Variants in MYD88 observed in about 807,000 individuals in gnomAD.
The protein encoded by MYD88 is myeloid differentiation primary response protein MyD88.
Under a neutral mutation model 31.1 loss-of-function variants are expected in MYD88, and 15 were observed. The observed-to-expected ratio is 0.48, with a 90% CI of 0.32 to 0.74. The LOEUF (loss-of-function observed/expected upper bound fraction) is 0.74. MYD88 is among the 30% of genes least tolerant of loss of function. MYD88 has a pLI of 0.03. For missense variants in MYD88, 308 were observed against 387.4 expected, an observed-to-expected ratio of 0.79 and a Z score of 1.72; for synonymous variants, 157 against 158.8, an observed-to-expected ratio of 0.99 and a Z score of 0.08.
chr3:38,140,121 C>T lies in MYD88; in HGVS notation c.463+123C>T, dbSNP rs925580068. On this transcript the variant is annotated intron_variant, in intron 2 of 4. Transcript: ENST00000650905. The stretch of plus-strand genomic sequence containing the variant: ...CAAGTCACTTAATCTTTCTGAGCCT[C>T]AGTTTCCTCACCTAAGAAATGGAGA... 13 of 1,274,362 alleles carry T rather than the reference C, an allele frequency of 1.0e-5. No homozygotes were observed. In the Admixed American group the frequency reaches 2.6e-4, roughly 25 times the overall value. The allele number at this position is 1,274,362 out of a possible 1,614,324, so 78.9% of individuals were successfully genotyped here.
intron 2 of MYD88, 29 bp downstream of exon 2, chr3:38,140,027 C>T (rs1288904311): frequency 6.2e-7 from 1 of 1,611,440 alleles, no homozygotes; most frequent in South Asian, 1.1e-5. Context: ...TCCCATGGGA[C>T]AGGTGGAATA....
Position 38,138,869 on chromosome 3 carries a change from G to T in MYD88, c.169G>T (p.Glu57Ter). 6.2e-7 allele frequency: 1 copy of T among 1,613,812 alleles called. No individual in the cohort carries two copies. The highest frequency in any genetic ancestry group is 8.5e-7 in the Non-Finnish European group (1 of 1,180,022). The stretch of plus-strand genomic sequence containing the variant: ...CGCGCTGGCGGAGGAGATGGACTTT[G>T]AGTACTTGGAGATCCGGCAACTGGA... The part of the protein sequence containing the change: ...WTALAEEMDF[E>*]YLEIRQLETQ... Residue 57 changes from glutamate to a stop codon, truncating the protein, a stop_gained, in exon 1 of 5, where the codon GAG (glutamate) becomes TAG (stop). Coordinates refer to ENST00000650905, the MANE Select transcript of MYD88 (RefSeq NM_002468.5). LOFTEE classifies it high-confidence loss of function. This position sits in a 1 kb window ranked among gnomAD's most constrained non-coding sequence, Gnocchi z 6.4.
rs537114532 is a variant in MYD88 at position 38,140,564 on chromosome 3, A to G, written c.640A>G (p.Lys214Glu). 6.2e-7 allele frequency: 1 copy of G among 1,614,146 alleles called. No individual in the cohort carries two copies. The highest frequency in any genetic ancestry group is 1.1e-5 in the South Asian group (1 of 91,072). ...GTCTATTGCTAGTGAGCTCATCGAA[A>G]AGAGGTTGGCTAGAAGGCCACGGGG... ...VWSIASELIEKRCRRMVVVVS... is the reference protein window; with the variant it reads ...VWSIASELIEERCRRMVVVVS... Residue 214 changes from lysine (K) to glutamate (E), a missense_variant, in exon 3 of 5, where the codon AAG (lysine) becomes GAG (glutamate). Coordinates refer to ENST00000650905, the MANE Select transcript of MYD88 (RefSeq NM_002468.5).
At chr3:38,141,082 C>T (rs2125780091) in intron 4 of MYD88, 50 bp from the exon 5 acceptor site, 1 of 1,613,864 alleles carries the variant, frequency 6.2e-7, no homozygotes, top group South Asian at 1.1e-5. Flanking sequence ...TGGGCTTGTC[C>T]CACCATGGGG....
chr3:38,139,229 A>T lies in MYD88; in HGVS notation c.328+201A>T. The T allele has an allele frequency of 1.4e-6, 1 of 710,256 alleles. No homozygotes were observed. The highest frequency in any genetic ancestry group is 2.3e-6 in the Non-Finnish European group (1 of 440,570). The allele number at this position is 710,256 out of a possible 1,614,324, so 44.0% of individuals were successfully genotyped here. On this transcript the variant is annotated intron_variant, in intron 1 of 4. Coordinates refer to ENST00000650905, the MANE Select transcript of MYD88 (RefSeq NM_002468.5). The surrounding 1 kb of genome is among the most constrained non-coding windows in gnomAD (Gnocchi z 4.7). ...TAAGAAGGACTGGAGAAAGGTCCGG[A>T]TAGGCGGAGATGGGAAGGAAGCAGC...
At chr3:38,140,073 C>T in intron 2 of MYD88, 75 bp downstream of exon 2, 1 of 1,570,372 alleles carries the variant, frequency 6.4e-7, no homozygotes, top group Non-Finnish European at 8.7e-7. Flanking sequence ...GTGTTTGAAG[C>T]AGATGGGCTG....
At chr3:38,140,232 C>A in intron 2 of MYD88, 156 bp from the exon 3 acceptor site, 1 of 976,496 alleles carries the variant, frequency 1.0e-6, no homozygotes, top group Non-Finnish European at 1.6e-6. Flanking sequence ...CCCTGAGGTA[C>A]TCATCTTTCC....
Position 38,140,587 on chromosome 3 carries a change from G to C in MYD88, c.644+19G>C, listed in dbSNP as rs2125779015. 1 of 1,614,088 alleles carries C rather than the reference G, an allele frequency of 6.2e-7. No homozygotes were observed. Among genetic ancestry groups the C allele is most frequent in the South Asian group, 1.1e-5 (1 of 91,082 alleles). On this transcript the variant is annotated intron_variant, in intron 3 of 4. Coordinates refer to ENST00000650905, the MANE Select transcript of MYD88 (RefSeq NM_002468.5). ...AAAAGAGGTTGGCTAGAAGGCCACG[G>C]GGTGGGTGCGTGGATGCATGAAGCC...
rs145608550 is a variant in MYD88 at position 38,142,337 on chromosome 3, C to A, written c.*1051C>A. ...GTACAGACATGTACTCTCACACACA[C>A]AGGCACCAGCATACACACGTTTTTC... On this transcript the variant is annotated 3_prime_UTR_variant, in exon 5 of 5. Transcript: ENST00000650905. 4.4e-4 allele frequency: 102 copies of A among 233,354 alleles called. 1 individual carries two copies. The highest frequency in any genetic ancestry group is 8.5e-6 in the Non-Finnish European group (1 of 118,096). The allele number at this position is 233,354 out of a possible 1,614,324, so 14.5% of individuals were successfully genotyped here.
chr3:38,141,655 G>A lies in MYD88; in HGVS notation c.*369G>A. ...AGAGAGTAGCTGTGTTTGAATCCCTGTAGGAAATGGTGAAGCATAGCTCTG... is the reference window on the plus strand; with the variant it reads ...AGAGAGTAGCTGTGTTTGAATCCCTATAGGAAATGGTGAAGCATAGCTCTG... On this transcript the variant is annotated 3_prime_UTR_variant, in exon 5 of 5. Transcript: ENST00000650905. 2.3e-6 allele frequency: 1 copy of A among 434,878 alleles called. No individual in the cohort carries two copies. Among genetic ancestry groups the A allele is most frequent in the East Asian group, 4.0e-5 (1 of 24,884 alleles). 26.9% of individuals were successfully genotyped at this position (434,878 alleles called of 1,614,324 possible). A position where few individuals can be genotyped will look rare whatever the true frequency, so the allele number is the denominator to read the frequency against.
chr3:38,140,299 C>A, intron 2 of MYD88, 89 bp from the exon 3 acceptor site: 1 of 1,431,228 alleles, frequency 7.0e-7, no homozygotes, highest in Non-Finnish European at 9.7e-7. Flanking sequence ...GTGCAGGGCC[C>A]AGGGTTGCCT....
At chr3:38,140,645 C>G (rs4988457) in intron 3 of MYD88, 77 bp downstream of exon 3, 72,583 of 1,605,522 alleles carry the variant, frequency 0.045, 1,840 homozygotes, top group Middle Eastern at 0.1. Flanking sequence ...GGCATCTCCT[C>G]CTAGCTGTGC....
rs1452185534 is a variant in MYD88, at chr3:38,139,370, A to G, written c.328+342A>G. 2.0e-5 allele frequency: 9 copies of G among 451,496 alleles called. No homozygotes were observed. Among genetic ancestry groups the G allele is most frequent in the Admixed American group, 3.8e-5 (1 of 26,286 alleles). 28.0% of individuals were successfully genotyped at this position (451,496 alleles called of 1,614,324 possible). Reference sequence around the variant, plus strand: ...GGGGCGATTGACAGTGGACTGTCTTAGAAACCTCAAGTCCTGGGGAAATGC... The same window carrying G: ...GGGGCGATTGACAGTGGACTGTCTTGGAAACCTCAAGTCCTGGGGAAATGC... On this transcript the variant is annotated intron_variant, in intron 1 of 4. Coordinates refer to ENST00000650905, the MANE Select transcript of MYD88 (RefSeq NM_002468.5). The surrounding 1 kb of genome is among the most constrained non-coding windows in gnomAD (Gnocchi z 4.7).
In MYD88 at chr3:38,139,223, G is replaced by A; in HGVS notation, c.328+195G>A. On this transcript the variant is annotated intron_variant, in intron 1 of 4. Transcript: ENST00000650905. This position sits in a 1 kb window ranked among gnomAD's most constrained non-coding sequence, Gnocchi z 4.7. ...GGTTATTAAGAAGGACTGGAGAAAG[G>A]TCCGGATAGGCGGAGATGGGAAGGA... 1.3e-6 allele frequency: 1 copy of A among 749,366 alleles called. No homozygotes were observed. Among genetic ancestry groups the A allele is most frequent in the South Asian group, 1.9e-5 (1 of 51,708 alleles). 46.4% of individuals were successfully genotyped at this position (749,366 alleles called of 1,614,324 possible).
At chr3:38,140,019 C>T (rs763481121) in intron 2 of MYD88, 21 bp downstream of exon 2, 2 of 1,612,426 alleles carry the variant, frequency 1.2e-6, no homozygotes, top group Admixed American at 1.7e-5. Context: ...AATACTGTTC[C>T]CATGGGACAG....
Position 38,140,244 on chromosome 3 carries a change from C to T in MYD88, c.464-144C>T, listed in dbSNP as rs112089861. On this transcript the variant is annotated intron_variant, in intron 2 of 4. Coordinates refer to ENST00000650905, the MANE Select transcript of MYD88 (RefSeq NM_002468.5). ...AGCCCCTGAGGTACTCATCTTTCCT[C>T]TCCTGGAAAGGGCACTTTCTCTGAG... 8.9e-5 allele frequency: 94 copies of T among 1,057,480 alleles called. No individual in the cohort carries two copies. In the African/African-American group the frequency reaches 1.4e-3, roughly 15 times the overall value. 65.5% of individuals were successfully genotyped at this position (1,057,480 alleles called of 1,614,324 possible).
At position 38,139,196 on chromosome 3, in the gene MYD88, G is replaced by A. The variant is rs765744516; in HGVS notation, c.328+168G>A. ...TCCCGTTCCTTCTTAATAACCGGTC[G>A]CGGTTATTAAGAAGGACTGGAGAAA... On this transcript the variant is annotated intron_variant, in intron 1 of 4. Transcript: ENST00000650905. This position sits in a 1 kb window ranked among gnomAD's most constrained non-coding sequence, Gnocchi z 4.7. The A allele has an allele frequency of 4.0e-5, 38 of 960,426 alleles. No individual in the cohort carries two copies. Among genetic ancestry groups the A allele is most frequent in the Non-Finnish European group, 5.4e-5 (36 of 667,684 alleles). The allele number at this position is 960,426 out of a possible 1,614,324, so 59.5% of individuals were successfully genotyped here.
At chr3:38,140,130 C>G in intron 2 of MYD88, 132 bp downstream of exon 2, 1 of 1,215,546 alleles carries the variant, frequency 8.2e-7, no homozygotes, top group Non-Finnish European at 1.2e-6. Context: ...TCAGTTTCCT[C>G]ACCTAAGAAA....
chr3:38,140,279 C>A, intron 2 of MYD88, 109 bp from the exon 3 acceptor site: 3 of 1,280,152 alleles, frequency 2.3e-6, no homozygotes, highest in Non-Finnish European at 3.3e-6. Context: ...GGAGTATCAT[C>A]TTGGGAAGGG....
Sources: gnomAD v4.1 joint callset for allele counts on GRCh38, gnomAD v4.1.1 for gene constraint, Gnocchi (gnomAD v3.1) non-coding constraint, MANE v1.5 for transcripts, NCBI Gene and HGNC (gene_info 2026-07-23, HGNC 2026-07-21) for gene names.